ITGB5: variants seen among roughly 807,000 people sequenced by gnomAD.
The protein encoded by ITGB5 is integrin beta-5.
A neutral mutation model predicts 84.8 loss-of-function variants in ITGB5; 38 were observed. That is an observed-to-expected ratio of 0.45 (90% CI 0.35 to 0.59). The LOEUF (loss-of-function observed/expected upper bound fraction) is 0.59, where lower values mean the gene tolerates loss of function less well. Ranked by LOEUF, ITGB5 falls within the 20% of genes least tolerant of loss-of-function variation. The pLI, the probability that ITGB5 is intolerant of heterozygous loss-of-function variation, is 0.01. For synonymous variants in ITGB5, 393 were observed against 414.4 expected (o/e 0.95, Z 0.63); for missense variants, 905 against 1,034.5 (o/e 0.87, Z 1.72).
At chr3:124,808,621 G>A (rs1246716640) in intron 9 of ITGB5, among the ~76,000 whole-genome samples, 1 of 152,178 alleles carries the variant, frequency 6.6e-6, no homozygotes, top group East Asian at 1.9e-4. Flanking sequence ...TTCACAGAAC[G>A]GAAAAGTGAG....
At chr3:124,892,832 A>G (rs1202366002) in intron 1 of ITGB5, among the ~76,000 whole-genome samples, 1 of 152,218 alleles carries the variant, frequency 6.6e-6, no homozygotes, top group Non-Finnish European at 1.5e-5. Context: ...CCAACTCCCA[A>G]AGTGACTTGT....
chr3:124,813,289 A>C (rs768060251), intron 8 of ITGB5, among the ~76,000 whole-genome samples: 3 of 152,190 alleles, frequency 2.0e-5, no homozygotes, highest in Non-Finnish European at 4.4e-5. Context: ...ACACCACTCA[A>C]CACAACACTT....
intron 10 of ITGB5, among the ~76,000 whole-genome samples, chr3:124,783,584 A>C (rs1325457510): frequency 2.3e-4 from 35 of 152,244 alleles, no homozygotes; most frequent in Non-Finnish European, 5.9e-5. Context: ...GACAAACCTC[A>C]AACCCTGGGG....
At chr3:124,830,787 C>A (rs532919750) in intron 5 of ITGB5, among the ~76,000 whole-genome samples, 1 of 152,116 alleles carries the variant, frequency 6.6e-6, no homozygotes, top group Non-Finnish European at 1.5e-5. Flanking sequence ...AGTTTGAGAC[C>A]GGCCTGGCCA....
In ITGB5 at chr3:124,776,646, T is replaced by C. The variant is rs563794944; in HGVS notation, c.1694-2734A>G. On this transcript the variant is annotated intron_variant, in intron 10 of 14. Coordinates refer to ENST00000296181, the MANE Select transcript of ITGB5 (RefSeq NM_002213.5). ...TGATGCACTCCAAGGGTAGACTTAATACGGCTCTGGCACTCTCTGATGGCT... is the reference window on the plus strand; with the variant it reads ...TGATGCACTCCAAGGGTAGACTTAACACGGCTCTGGCACTCTCTGATGGCT... Among the ~76,000 whole-genome samples, 5 of 152,344 alleles carry C rather than the reference T, an allele frequency of 3.3e-5. No homozygotes were observed. In the South Asian group the frequency reaches 1.0e-3, roughly 32 times the overall value.
At chr3:124,807,377 C>T (rs1448140560) in intron 9 of ITGB5, among the ~76,000 whole-genome samples, 3 of 152,094 alleles carry the variant, frequency 2.0e-5, no homozygotes, top group East Asian at 1.9e-4. Context: ...GATCGTGCCA[C>T]GGCACTCCAG....
chr3:124,772,301 G>GTCTA (rs1163693135), intron 11 of ITGB5, among the ~76,000 whole-genome samples: 2 of 152,246 alleles, frequency 1.3e-5, no homozygotes, highest in African/African-American at 2.4e-5. Flanking sequence ...ACCCAGCCCT[G>GTCTA]TCTATCTTGT....
intron 10 of ITGB5, among the ~76,000 whole-genome samples, chr3:124,788,277 G>T (rs1402985925): frequency 6.6e-6 from 1 of 152,092 alleles, no homozygotes; most frequent in Non-Finnish European, 1.5e-5. Flanking sequence ...CTGTCCTGTT[G>T]GTTCCTCACA....
In ITGB5 at chr3:124,798,055, C is replaced by CTTTTTTTTTTTTTTTTTTTTTTTT. The variant is rs60292129; in HGVS notation, c.1264-1239_1264-1238insAAAAAAAAAAAAAAAAAAAAAAAA. Among the ~76,000 whole-genome samples, 12 of 103,642 alleles carry CTTTTTTTTTTTTTTTTTTTTTTTT rather than the reference C, an allele frequency of 1.2e-4. 1 individual carries two copies. Among genetic ancestry groups the CTTTTTTTTTTTTTTTTTTTTTTTT allele is most frequent in the South Asian group, 4.0e-4 (1 of 2,526 alleles). 68.0% of individuals were successfully genotyped at this position (103,642 alleles called of 152,430 possible). On this transcript the variant is annotated intron_variant, in intron 9 of 14. Coordinates refer to ENST00000296181, the MANE Select transcript of ITGB5 (RefSeq NM_002213.5). ...TTCTATTCTTTCGGCTAGAATAAAGCTTTTTTTTTTTTTTTTGAGGTGGAG... is the reference window on the plus strand; with the variant it reads ...TTCTATTCTTTCGGCTAGAATAAAGCTTTTTTTTTTTTTTTTTTTTTTTTTTTTTTTTTTTTTTTTGAGGTGGAG...
intron 3 of ITGB5, 141 bp from the exon 4 acceptor site, chr3:124,848,699 A>G: frequency 1.2e-6 from 1 of 861,784 alleles, no homozygotes; most frequent in South Asian, 1.8e-5. Context: ...TCTTGGAAGT[A>G]AAGTGCCTGA....
chr3:124,818,878 G>A (rs1017751259), intron 7 of ITGB5, among the ~76,000 whole-genome samples: 1 of 152,178 alleles, frequency 6.6e-6, no homozygotes, highest in Admixed American at 6.5e-5. Flanking sequence ...ACATTCAAGA[G>A]CAAGAAGGAG....
In ITGB5 at chr3:124,817,651, A is replaced by AT; in HGVS notation, c.1097dup (p.Asn366LysfsTer8). On this transcript the variant is annotated frameshift_variant, in exon 8 of 15. Coordinates refer to ENST00000296181, the MANE Select transcript of ITGB5 (RefSeq NM_002213.5). LOFTEE classifies it high-confidence loss of function. The stretch of plus-strand genomic sequence containing the variant: ...ATGCATTAATAATCAGTTGAATAAT[A>AT]TTTTTGGAGTCTCCATCTAAAATCT... 3 of 1,588,658 alleles carry AT rather than the reference A, an allele frequency of 1.9e-6. No homozygotes were observed. The highest frequency in any genetic ancestry group is 2.6e-6 in the Non-Finnish European group (3 of 1,164,774).
At chr3:124,864,746 GA>G (rs1329304819) in intron 2 of ITGB5, among the ~76,000 whole-genome samples, 5 of 146,680 alleles carry the variant, frequency 3.4e-5, no homozygotes, top group Middle Eastern at 3.4e-3. Context: ...CATGAAAGTT[GA>G]AAAAAAAAAG....
At chr3:124,888,846 G>A (rs1934930208), upstream of ITGB5, among the ~76,000 whole-genome samples, 2 of 152,200 alleles carry the variant, frequency 1.3e-5, no homozygotes, top group African/African-American at 2.4e-5. Flanking sequence ...AAGGAGTTTG[G>A]ATGTTAACCT....
chr3:124,874,290 C>G (rs7373991), intron 1 of ITGB5, among the ~76,000 whole-genome samples: 22,765 of 139,312 alleles, frequency 0.16, 1,917 homozygotes, highest in South Asian at 0.23. Flanking sequence ...AGAGGGAGAC[C>G]CAGTCTCAAA....
chr3:124,767,356 G>A (rs1409894583), intron 12 of ITGB5, among the ~76,000 whole-genome samples: 4 of 152,194 alleles, frequency 2.6e-5, no homozygotes, highest in South Asian at 2.1e-4. Context: ...TTCTGGGCTG[G>A]GTGAGTATGA....
chr3:124,766,693 G>A lies in ITGB5; in HGVS notation c.2018-348C>T, dbSNP rs530902927. Among the ~76,000 whole-genome samples the A allele has an allele frequency of 3.9e-4, 59 of 152,282 alleles. 3 individuals carry two copies. In the South Asian group the frequency reaches 8.5e-3, roughly 22 times the overall value. On this transcript the variant is annotated intron_variant, in intron 12 of 14. Coordinates refer to ENST00000296181, the MANE Select transcript of ITGB5 (RefSeq NM_002213.5). ...CACGGAAATTAAAGGGATAAAGAAA[G>A]AAAGAAAAACCATCCCAGCCCCCTT...
chr3:124,864,803 G>A (rs942170472), intron 2 of ITGB5, among the ~76,000 whole-genome samples: 2 of 152,110 alleles, frequency 1.3e-5, no homozygotes, highest in Non-Finnish European at 1.5e-5. Context: ...ATGTCTGATG[G>A]CGTAACAGTT....
intron 3 of ITGB5, among the ~76,000 whole-genome samples, chr3:124,851,608 A>AAC (rs3836319): frequency 0.44 from 64,782 of 145,696 alleles, 14,969 homozygotes; most frequent in Non-Finnish European, 0.52. Context: ...TCAGTAAGAA[A>AAC]ACACACACAC....
Sources: allele counts gnomAD v4.1 joint callset (sites outside exome capture counted in the v4.1 genomes callset), GRCh38; gene constraint gnomAD v4.1.1; transcripts MANE v1.5; gene names NCBI Gene and HGNC (gene_info 2026-07-23, HGNC 2026-07-21).